WDR70: variants seen among roughly 807,000 people sequenced by gnomAD.
The protein encoded by WDR70 is WD repeat-containing protein 70.
A neutral mutation model predicts 88.6 loss-of-function variants in WDR70; 53 were observed. That is an observed-to-expected ratio of 0.60 (90% confidence interval 0.48 to 0.75). The LOEUF is 0.75. WDR70 is among the 30% of genes least tolerant of loss of function. The probability of loss-of-function intolerance (pLI) is 0.00; values close to 1 mark genes in which losing one functional copy is unlikely to be tolerated. For missense variants in WDR70, 610 were observed against 823.2 expected (o/e 0.74, Z 3.17); for synonymous variants, 280 against 270.0 (o/e 1.04, Z -0.36).
chr5:37,450,972 C>T (rs1738661070), intron 7 of WDR70, among the ~76,000 whole-genome samples: 2 of 152,094 alleles, frequency 1.3e-5, no homozygotes, highest in African/African-American at 2.4e-5. Flanking sequence ...GATCTCGGCT[C>T]ACCGCAACCT....
At chr5:37,723,518 C>T (rs1747886436) in intron 15 of WDR70, 1 of 152,370 alleles carries the variant, frequency 6.6e-6, no homozygotes, top group South Asian at 2.1e-4. Context: ...ATGTGTGTTC[C>T]CAGAGCCACA....
At chr5:37,731,124 T>A (rs1361619935) in intron 17 of WDR70, among the ~76,000 whole-genome samples, 1 of 152,138 alleles carries the variant, frequency 6.6e-6, no homozygotes, top group Non-Finnish European at 1.5e-5. Flanking sequence ...AGAGTATTTA[T>A]ACTCCCTTAT....
chr5:37,690,397 C>T (rs985893705), intron 10 of WDR70, among the ~76,000 whole-genome samples: 1 of 152,114 alleles, frequency 6.6e-6, no homozygotes, highest in African/African-American at 2.4e-5. Context: ...AACCCCAAGA[C>T]ACATAATTGT....
chr5:37,490,629 C>T (rs1299501848), intron 8 of WDR70, among the ~76,000 whole-genome samples: 2 of 151,558 alleles, frequency 1.3e-5, no homozygotes, highest in Admixed American at 1.3e-4. Context: ...CTGGCTGCAG[C>T]AGCAGGCAGG....
intron 13 of WDR70, among the ~76,000 whole-genome samples, chr5:37,705,255 T>A (rs1405707450): frequency 6.6e-6 from 1 of 152,116 alleles, no homozygotes; most frequent in Non-Finnish European, 1.5e-5. Flanking sequence ...GCTGATGAGT[T>A]TGATTAAGGT....
chr5:37,674,950 T>C (rs1746153322), intron 10 of WDR70, among the ~76,000 whole-genome samples: 1 of 151,576 alleles, frequency 6.6e-6, no homozygotes, highest in Non-Finnish European at 1.5e-5. Context: ...TGGTATCTCA[T>C]TGTGGTTTTG....
intron 10 of WDR70, among the ~76,000 whole-genome samples, chr5:37,622,513 CTAGAT>C (rs1038736326): frequency 8.6e-5 from 13 of 152,042 alleles, no homozygotes; most frequent in Admixed American, 5.2e-4. Context: ...CAATGATAGA[CTAGAT>C]TAAGAAAATG....
chr5:37,694,852 A>G (rs1427352495), intron 10 of WDR70, among the ~76,000 whole-genome samples: 1 of 151,734 alleles, frequency 6.6e-6, no homozygotes, highest in Non-Finnish European at 1.5e-5. Flanking sequence ...TAATAATAAT[A>G]ATAATAATAA....
At chr5:37,447,756 G>T (rs888207577) in intron 7 of WDR70, among the ~76,000 whole-genome samples, 2 of 152,146 alleles carry the variant, frequency 1.3e-5, no homozygotes, top group African/African-American at 4.8e-5. Context: ...ATGGTCACAG[G>T]AAGGGGAACA....
intron 9 of WDR70, among the ~76,000 whole-genome samples, chr5:37,549,868 CTT>C (rs112467824): frequency 3.5e-5 from 5 of 141,616 alleles, no homozygotes; most frequent in African/African-American, 2.6e-5. Flanking sequence ...TTTTTTTTTG[CTT>C]TTTTTTTTTT....
At chr5:37,620,493 TA>T (rs1216781630) in intron 10 of WDR70, among the ~76,000 whole-genome samples, 2 of 152,230 alleles carry the variant, frequency 1.3e-5, no homozygotes, top group Non-Finnish European at 2.9e-5. Flanking sequence ...CTGTATTTTT[TA>T]ATCACAGAAA....
At chr5:37,735,910 A>G (rs1748292425) in intron 17 of WDR70, among the ~76,000 whole-genome samples, 1 of 152,160 alleles carries the variant, frequency 6.6e-6, no homozygotes, top group South Asian at 2.1e-4. Flanking sequence ...ACACTCACCA[A>G]TATCCACTGG....
chr5:37,573,553 C>T (rs1742973200), intron 9 of WDR70, among the ~76,000 whole-genome samples: 1 of 143,194 alleles, frequency 7.0e-6, no homozygotes, highest in African/African-American at 2.6e-5. Context: ...ACAACAGCCC[C>T]CAGTGTGTGA....
intron 9 of WDR70, among the ~76,000 whole-genome samples, chr5:37,550,145 G>A (rs62359034): frequency 1.8e-3 from 267 of 152,312 alleles, no homozygotes; most frequent in Admixed American, 3.5e-3. Context: ...GATTACAGGC[G>A]TGAACCACTG....
At chr5:37,695,698 C>T (rs540875625) in intron 10 of WDR70, among the ~76,000 whole-genome samples, 56 of 152,274 alleles carry the variant, frequency 3.7e-4, no homozygotes, top group Non-Finnish European at 6.5e-4. Context: ...ACTTTCTTGT[C>T]GGCACTGTAG....
chr5:37,566,227 G>A (rs982963755), intron 9 of WDR70, among the ~76,000 whole-genome samples: 3 of 152,012 alleles, frequency 2.0e-5, no homozygotes, highest in Admixed American at 6.6e-5. Flanking sequence ...TCCTGTTAAC[G>A]AAATTATGTA....
intron 10 of WDR70, among the ~76,000 whole-genome samples, chr5:37,646,979 C>T (rs1369780877): frequency 6.6e-6 from 1 of 152,088 alleles, no homozygotes; most frequent in Non-Finnish European, 1.5e-5. Context: ...TTTTTAACTT[C>T]CTCTTTAAGG....
intron 10 of WDR70, among the ~76,000 whole-genome samples, chr5:37,654,934 T>C (rs2112566530): frequency 6.6e-6 from 1 of 152,370 alleles, no homozygotes; most frequent in Middle Eastern, 3.4e-3. Flanking sequence ...ATTGGGGCAT[T>C]AGCCTGTTTA....
intron 3 of WDR70, among the ~76,000 whole-genome samples, chr5:37,390,374 C>T (rs1348143183): frequency 1.4e-5 from 2 of 145,288 alleles, no homozygotes; most frequent in African/African-American, 2.5e-5. Flanking sequence ...GAGTCTCACT[C>T]AGTCGCCCAG....
Sources: allele counts gnomAD v4.1 joint callset (sites outside exome capture counted in the v4.1 genomes callset), GRCh38; gene constraint gnomAD v4.1.1; transcripts MANE v1.5; gene names NCBI Gene and HGNC (gene_info 2026-07-23, HGNC 2026-07-21).